The following ABCA13 variants were observed in gnomAD, a reference collection of about 807,000 sequenced individuals.
ABCA13 encodes ATP binding cassette subfamily A member 13, also known as ATP-binding cassette sub-family A member 13.
ABCA13 carries 476 observed loss-of-function variants against 478.7 expected under a neutral mutation model. That is an observed-to-expected ratio of 0.99 (90% CI 0.92 to 1.07). The LOEUF is 1.07. Ranked by LOEUF, ABCA13 falls within the 50% of genes least tolerant of loss-of-function variation. The pLI, the probability that ABCA13 is intolerant of heterozygous loss-of-function variation, is 0.00. For synonymous variants in ABCA13, 2,252 were observed against 2,158.9 expected (o/e 1.04, Z -1.20); for missense variants, 6,060 against 5,910.6 (o/e 1.03, Z -0.83).
intron 55 of ABCA13, among the ~76,000 whole-genome samples, chr7:48,574,892 T>C (rs898613686): frequency 1.3e-5 from 2 of 152,200 alleles, no homozygotes; most frequent in Non-Finnish European, 2.9e-5. Flanking sequence ...TCCATTGTTT[T>C]ATGGGCTATT....
intron 2 of ABCA13, among the ~76,000 whole-genome samples, chr7:48,197,869 G>A (rs955481518): frequency 6.6e-6 from 1 of 152,086 alleles, no homozygotes; most frequent in African/African-American, 2.4e-5. Context: ...TATGAGATGG[G>A]AAGAAGCATC....
chr7:48,320,076 A>G (rs963795875), intron 27 of ABCA13, among the ~76,000 whole-genome samples: 1 of 152,202 alleles, frequency 6.6e-6, no homozygotes, highest in Admixed American at 6.5e-5. Flanking sequence ...AATGATGGCC[A>G]AAACTTCTAG....
chr7:48,257,452 T>C (rs995990288), intron 15 of ABCA13, among the ~76,000 whole-genome samples: 1 of 152,206 alleles, frequency 6.6e-6, no homozygotes, highest in Non-Finnish European at 1.5e-5. Flanking sequence ...ATCGATGGGC[T>C]GTTATTACTT....
intron 29 of ABCA13, among the ~76,000 whole-genome samples, chr7:48,343,583 T>C (rs1584936834): frequency 8.3e-6 from 1 of 120,704 alleles, no homozygotes; most frequent in African/African-American, 3.0e-5. Flanking sequence ...AGTCTTTATA[T>C]AGATTTTCTT....
At position 48,198,344 on chromosome 7, in the gene ABCA13, A is replaced by G; in HGVS notation, c.271A>G (p.Met91Val). ...RCRNFSYEGS[M>V]EHHFRLSRFQ... ...TAGGAACTTCAGCTATGAAGGGTCA[A>G]TGGAGCATCATTTTCGGTAAGAGAA... The change falls in exon 3 of 62, where the codon ATG becomes GTG. Residue 91 changes from methionine to valine, a missense_variant. Around this residue, in one of 3 missense-constraint regions of ABCA13, gnomAD observed 4,423 missense variants for 4,309.1 expected, o/e 1.03. Coordinates refer to ENST00000435803, the MANE Select transcript of ABCA13 (RefSeq NM_152701.5). The G allele has an allele frequency of 1.2e-6, 2 of 1,613,678 alleles. No individual in the cohort carries two copies. Among genetic ancestry groups the G allele is most frequent in the East Asian group, 2.2e-5 (1 of 44,866 alleles).
intron 27 of ABCA13, among the ~76,000 whole-genome samples, chr7:48,334,385 A>T (rs1584898797): frequency 6.8e-6 from 1 of 147,608 alleles, no homozygotes; most frequent in African/African-American, 2.5e-5. Flanking sequence ...CCCAGGTTGG[A>T]GCACAGTGGT....
At chr7:48,616,319 G>A (rs771996713) in intron 59 of ABCA13, among the ~76,000 whole-genome samples, 4 of 152,164 alleles carry the variant, frequency 2.6e-5, no homozygotes, top group Non-Finnish European at 5.9e-5. Flanking sequence ...TTGCTGCTTC[G>A]GGTCAACCAC....
At chr7:48,645,387 A>T in intron 61 of ABCA13, 30 bp from the exon 62 acceptor site, 2 of 1,518,916 alleles carry the variant, frequency 1.3e-6, no homozygotes, top group African/African-American at 2.8e-5. Context: ...TATTCTTATA[A>T]GTAAACAACA....
At chr7:48,536,567 C>G (rs1833599090) in intron 55 of ABCA13, among the ~76,000 whole-genome samples, 1 of 151,614 alleles carries the variant, frequency 6.6e-6, no homozygotes, top group African/African-American at 2.4e-5. Flanking sequence ...AGAATCACGT[C>G]AACTCTGGAG....
Position 48,272,625 on chromosome 7 carries a change from T to C in ABCA13, c.2959T>C (p.Phe987Leu), listed in dbSNP as rs1795771242. The change falls in exon 17 of 62, where the codon TTC (phenylalanine) becomes CTC (leucine). Residue 987 changes from phenylalanine to leucine, a missense_variant. This residue lies in a region of ABCA13 where 4,423 missense variants were observed against 4,309.1 expected (regional missense o/e 1.03). Coordinates refer to ENST00000435803, the MANE Select transcript of ABCA13 (RefSeq NM_152701.5). ...TCAGAGTAGAGGCTCTTCGTTGACTTTCCTTACACAAATCTCAAAACACAT... is the reference window on the plus strand; with the variant it reads ...TCAGAGTAGAGGCTCTTCGTTGACTCTCCTTACACAAATCTCAAAACACAT... The part of the protein sequence containing the change: ...NIQSRGSSLT[F>L]LTQISKHILD... 1 of 1,613,048 alleles carries C rather than the reference T, an allele frequency of 6.2e-7. No individual in the cohort carries two copies. The highest frequency in any genetic ancestry group is 1.3e-5 in the African/African-American group (1 of 74,892).
In ABCA13 at chr7:48,471,529, G is replaced by A. The variant is rs1427413286; in HGVS notation, c.12906-1G>A. 1 of 1,555,150 alleles carries A rather than the reference G, an allele frequency of 6.4e-7. No individual in the cohort carries two copies. The highest frequency in any genetic ancestry group is 8.7e-7 in the Non-Finnish European group (1 of 1,147,978). ...TTCCAATTCTCTCCTTTGTTTTTTA[G>A]GAAGAATTCTTCATGCTGGCGCACA... On this transcript the variant is annotated splice_acceptor_variant, in intron 44 of 61. Coordinates refer to ENST00000435803, the MANE Select transcript of ABCA13 (RefSeq NM_152701.5). LOFTEE classifies it high-confidence loss of function.
intron 58 of ABCA13, among the ~76,000 whole-genome samples, chr7:48,597,710 C>G (rs1263732885): frequency 2.0e-5 from 3 of 152,144 alleles, no homozygotes. Flanking sequence ...TTTCATGTGC[C>G]TATTGGTTAT....
chr7:48,497,858 G>A lies in ABCA13; in HGVS notation c.13292-8478G>A, dbSNP rs575871019. ...TTTGAAAGTATTCTTTAGTCTCATCGAAGCCAGATGGGAATGGATGCTTGG... is the reference window on the plus strand; with the variant it reads ...TTTGAAAGTATTCTTTAGTCTCATCAAAGCCAGATGGGAATGGATGCTTGG... On this transcript the variant is annotated intron_variant, in intron 48 of 61. Transcript: ENST00000435803. Among the ~76,000 whole-genome samples the A allele has an allele frequency of 3.3e-5, 5 of 152,282 alleles. No individual in the cohort carries two copies. The East Asian group carries it at 5.8e-4, about 18-fold the overall frequency.
chr7:48,187,073 A>G (rs183029502), intron 1 of ABCA13, among the ~76,000 whole-genome samples: 1 of 149,832 alleles, frequency 6.7e-6, no homozygotes, highest in African/African-American at 2.4e-5. Flanking sequence ...CTGTCTCTCT[A>G]TATATATCAC....
At chr7:48,348,476 A>G (rs1808443392) in intron 29 of ABCA13, among the ~76,000 whole-genome samples, 1 of 152,134 alleles carries the variant, frequency 6.6e-6, no homozygotes, top group South Asian at 2.1e-4. Context: ...CCATTTGAGA[A>G]CTCTGGCTTG....
chr7:48,508,013 C>A lies in ABCA13; in HGVS notation c.13488C>A (p.Tyr4496Ter). 6.2e-7 allele frequency: 1 copy of A among 1,613,866 alleles called. No homozygotes were observed. The highest frequency in any genetic ancestry group is 8.5e-7 in the Non-Finnish European group (1 of 1,179,842). ...KRLQHISGLGYRMYWFTNFLY... is the reference protein window; with the variant it reads ...KRLQHISGLG ...TGCAGCACATAAGTGGCCTTGGCTA[C>A]AGGATGTACTGGTTCACAAACTTCC... The change falls in exon 50 of 62, where the codon TAC becomes TAA. Residue 4496 changes from tyrosine (Y) to a stop codon, truncating the protein, a stop_gained. Coordinates refer to ENST00000435803, the MANE Select transcript of ABCA13 (RefSeq NM_152701.5). LOFTEE classifies it high-confidence loss of function.
chr7:48,531,731 ATTTTTTTT>A (rs34996683), intron 55 of ABCA13, among the ~76,000 whole-genome samples: 4 of 102,262 alleles, frequency 3.9e-5, no homozygotes, highest in African/African-American at 1.1e-4. Flanking sequence ...TATATTCCTA[ATTTTTTTT>A]TTTTTTTTTT....
At chr7:48,319,278 G>A (rs774379741) in intron 27 of ABCA13, among the ~76,000 whole-genome samples, 7 of 152,228 alleles carry the variant, frequency 4.6e-5, no homozygotes, top group African/African-American at 7.2e-5. Flanking sequence ...ATTGCAGGCA[G>A]TATTGAGAGC....
intron 53 of ABCA13, among the ~76,000 whole-genome samples, chr7:48,521,892 A>G (rs372485258): frequency 6.6e-6 from 1 of 152,170 alleles, no homozygotes; most frequent in Non-Finnish European, 1.5e-5. Context: ...TAATGACTGC[A>G]TGACCCAGTC....
Sources: gnomAD v4.1 joint callset for allele counts (sites outside exome capture counted in the v4.1 genomes callset) on GRCh38, gnomAD v4.1.1 for gene constraint, gnomAD v4.1.1 regional missense constraint, MANE v1.5 for transcripts, NCBI Gene and HGNC (gene_info 2026-07-23, HGNC 2026-07-21) for gene names.